The following IQCM variants were observed in gnomAD, a reference collection of about 807,000 sequenced individuals.
IQCM encodes IQ domain-containing protein M.
IQCM carries 45 observed loss-of-function variants against 57.6 expected under a neutral mutation model. That is an observed-to-expected ratio of 0.78 (90% CI 0.62 to 1.00). The LOEUF (loss-of-function observed/expected upper bound fraction) is 1.00, where lower values mean the gene tolerates loss of function less well. IQCM is among the 50% of genes least tolerant of loss of function. The pLI, the probability that IQCM is intolerant of heterozygous loss-of-function variation, is 0.00. For synonymous variants in IQCM, 148 were observed against 158.9 expected, an observed-to-expected ratio of 0.93 and a Z score of 0.51; for missense variants, 468 against 511.6, an observed-to-expected ratio of 0.91 and a Z score of 0.82.
intron 13 of IQCM, among the ~76,000 whole-genome samples, chr4:149,404,500 A>G (rs558906111): frequency 2.0e-5 from 3 of 152,228 alleles, no homozygotes; most frequent in East Asian, 3.9e-4. Flanking sequence ...AAAACTTTGC[A>G]ATACACAAGA....
intron 12 of IQCM, among the ~76,000 whole-genome samples, chr4:149,518,251 T>C (rs1745198158): frequency 1.3e-5 from 2 of 152,042 alleles, no homozygotes; most frequent in Non-Finnish European, 2.9e-5. Context: ...AGAGTGGAAA[T>C]GAAAATTTCA....
intron 7 of IQCM, among the ~76,000 whole-genome samples, chr4:149,669,820 TG>T (rs1579934546): frequency 1.3e-5 from 2 of 152,228 alleles, no homozygotes; most frequent in Non-Finnish European, 2.9e-5. Context: ...GGCTCTGCTT[TG>T]TTTTGTTGGT....
chr4:149,605,639 A>G (rs1181395610), intron 8 of IQCM, among the ~76,000 whole-genome samples: 1 of 152,238 alleles, frequency 6.6e-6, no homozygotes, highest in Admixed American at 6.5e-5. Flanking sequence ...CTTTAGGCCC[A>G]GATAATATTG....
At chr4:149,560,088 G>T (rs1279440168) in intron 10 of IQCM, among the ~76,000 whole-genome samples, 2 of 152,146 alleles carry the variant, frequency 1.3e-5, no homozygotes, top group East Asian at 1.9e-4. Context: ...GCACCAAAAA[G>T]GTTGGGGATT....
chr4:149,545,324 A>G (rs1560973446), intron 12 of IQCM, among the ~76,000 whole-genome samples: 1 of 152,232 alleles, frequency 6.6e-6, no homozygotes, highest in Admixed American at 6.5e-5. Flanking sequence ...TAAAGGATTA[A>G]TATCCAAAAT....
intron 9 of IQCM, among the ~76,000 whole-genome samples, chr4:149,566,809 T>C (rs1378892013): frequency 6.6e-6 from 1 of 152,166 alleles, no homozygotes; most frequent in African/African-American, 2.4e-5. Flanking sequence ...ACAAGAACAA[T>C]TTATAGAAGT....
At chr4:149,753,397 T>C (rs1373376091) in intron 2 of IQCM, among the ~76,000 whole-genome samples, 1 of 151,960 alleles carries the variant, frequency 6.6e-6, no homozygotes, top group Non-Finnish European at 1.5e-5. Context: ...TAGAACAAAT[T>C]GGAATCCTTT....
intron 9 of IQCM, among the ~76,000 whole-genome samples, chr4:149,565,484 C>T (rs1241000101): frequency 6.6e-6 from 1 of 152,170 alleles, no homozygotes; most frequent in Non-Finnish European, 1.5e-5. Flanking sequence ...GAAGCTTGTA[C>T]TATCTCCTGA....
chr4:149,680,516 A>G (rs1762103472), intron 7 of IQCM, among the ~76,000 whole-genome samples: 1 of 151,340 alleles, frequency 6.6e-6, no homozygotes, highest in Admixed American at 6.6e-5. Flanking sequence ...TGCACAGATA[A>G]TACTGAAGTA....
At chr4:149,596,201 T>A (rs762724949) in intron 8 of IQCM, among the ~76,000 whole-genome samples, 3 of 152,126 alleles carry the variant, frequency 2.0e-5, no homozygotes, top group Non-Finnish European at 2.9e-5. Context: ...GGTTGGAATC[T>A]ATTTGAAAAA....
At chr4:149,433,333 T>C in intron 13 of IQCM, 63 bp downstream of exon 13, 1 of 692,462 alleles carries the variant, frequency 1.4e-6, no homozygotes, top group Non-Finnish European at 2.0e-6. Flanking sequence ...AATACAGTTA[T>C]ATATTTAATA....
chr4:149,460,185 C>G (rs2149708676), intron 12 of IQCM, among the ~76,000 whole-genome samples: 1 of 152,216 alleles, frequency 6.6e-6, no homozygotes, highest in African/African-American at 2.4e-5. Context: ...GGTCAAGCAT[C>G]TTTTCGTGTG....
At chr4:149,440,037 A>G (rs751600841) in intron 12 of IQCM, among the ~76,000 whole-genome samples, 1 of 149,822 alleles carries the variant, frequency 6.7e-6, no homozygotes, top group Non-Finnish European at 1.5e-5. Flanking sequence ...GCTCACTGCA[A>G]CCTCTGCTTC....
chr4:149,352,467 A>T (rs1161820254), intron 13 of IQCM, among the ~76,000 whole-genome samples: 1 of 152,212 alleles, frequency 6.6e-6, no homozygotes, highest in Non-Finnish European at 1.5e-5. Flanking sequence ...ATCCACATGA[A>T]TGAAGAGGTG....
At chr4:149,786,370 A>T (rs1772082665) in intron 2 of IQCM, among the ~76,000 whole-genome samples, 1 of 152,168 alleles carries the variant, frequency 6.6e-6, no homozygotes, top group African/African-American at 2.4e-5. Flanking sequence ...GAGATGTAAA[A>T]ATGTACTCTA....
intron 12 of IQCM, among the ~76,000 whole-genome samples, chr4:149,527,341 C>A (rs2149842598): frequency 6.6e-6 from 1 of 152,268 alleles, no homozygotes; most frequent in Non-Finnish European, 1.5e-5. Flanking sequence ...CATATGTTGA[C>A]ACTTCAACCC....
intron 7 of IQCM, among the ~76,000 whole-genome samples, chr4:149,639,155 A>AG (rs1175414318): frequency 5.3e-5 from 8 of 152,212 alleles, no homozygotes; most frequent in Non-Finnish European, 1.2e-4. Flanking sequence ...GGATTGGGGC[A>AG]GGGGCTCACG....
At chr4:149,659,636 T>C (rs1759984736) in intron 7 of IQCM, among the ~76,000 whole-genome samples, 1 of 152,054 alleles carries the variant, frequency 6.6e-6, no homozygotes, top group Non-Finnish European at 1.5e-5. Flanking sequence ...AACAGAGATA[T>C]AGATCAATGG....
chr4:149,394,022 G>C (rs1732048109), intron 13 of IQCM, among the ~76,000 whole-genome samples: 1 of 151,920 alleles, frequency 6.6e-6, no homozygotes, highest in African/African-American at 2.4e-5. Context: ...TTAAGAGGCA[G>C]GATTTCACAT....
Sources: gnomAD v4.1 joint callset for allele counts (sites outside exome capture counted in the v4.1 genomes callset) on GRCh38, gnomAD v4.1.1 for gene constraint, MANE v1.5 for transcripts, NCBI Gene and HGNC (gene_info 2026-07-23, HGNC 2026-07-21) for gene names.